MARCHF10: variants seen among roughly 807,000 people sequenced by gnomAD.
MARCHF10 encodes membrane associated ring-CH-type finger 10, also known as probable E3 ubiquitin-protein ligase MARCHF10.
MARCHF10 carries 64 observed loss-of-function variants against 76.2 expected under a neutral mutation model. The observed-to-expected ratio is 0.84, with a 90% confidence interval of 0.69 to 1.03. The LOEUF is 1.03. MARCHF10 is among the 50% of genes least tolerant of loss of function. The pLI, the probability that MARCHF10 is intolerant of heterozygous loss-of-function variation, is 0.00. For missense variants in MARCHF10, 875 were observed against 958.0 expected (o/e 0.91, Z 1.14); for synonymous variants, 340 against 357.5 (o/e 0.95, Z 0.55).
rs55902229 is a variant in MARCHF10, at chr17:62,738,060, TCACACACACACACACA to T, written c.536-744_536-729del. 2.4e-5 allele frequency: 3 copies of T among 127,398 alleles called. No homozygotes were observed. Among genetic ancestry groups the T allele is most frequent in the Admixed American group, 1.6e-4 (2 of 12,360 alleles). The allele number at this position is 127,398 out of a possible 1,614,324, so 7.9% of individuals were successfully genotyped here. A position where few individuals can be genotyped will look rare whatever the true frequency, so the allele number is the denominator to read the frequency against. The stretch of plus-strand genomic sequence containing the variant: ...AACTGTCTCTCTCTGTCTCTCTCTG[TCACACACACACACACA>T]CACACACACACACACACACACACAA... On this transcript the variant is annotated intron_variant, in intron 5 of 10. Coordinates refer to ENST00000311269, the MANE Select transcript of MARCHF10 (RefSeq NM_152598.4). This position sits in a 1 kb window ranked among gnomAD's most constrained non-coding sequence, Gnocchi z 4.0.
At chr17:62,726,117 G>A (rs890477383) in intron 6 of MARCHF10, 1 of 152,226 alleles carries the variant, frequency 6.6e-6, no homozygotes, top group Non-Finnish European at 1.5e-5. Context: ...AATGTAAGCG[G>A]CTGGAATCTG....
Position 62,711,191 on chromosome 17 carries a change from G to A in MARCHF10, c.2328+40C>T, listed in dbSNP as rs761827373. On this transcript the variant is annotated intron_variant, in intron 9 of 10. Transcript: ENST00000311269. The surrounding 1 kb of genome is among the most constrained non-coding windows in gnomAD (Gnocchi z 4.4). ...AATAAACAGCACTGCAGGGTTTTCA[G>A]GGCTGCCACCGGACAGCTCTGGGTC... The A allele has an allele frequency of 1.3e-5, 21 of 1,568,596 alleles. No individual in the cohort carries two copies. In the East Asian group the frequency reaches 4.5e-4, roughly 33 times the overall value.
At chr17:62,784,775 T>G (rs2092718617) in intron 3 of MARCHF10, among the ~76,000 whole-genome samples, 1 of 152,146 alleles carries the variant, frequency 6.6e-6, no homozygotes, top group Non-Finnish European at 1.5e-5. Flanking sequence ...TCATTCACAA[T>G]TGCTACAAAG....
At chr17:62,775,239 C>T (rs536292714) in intron 3 of MARCHF10, among the ~76,000 whole-genome samples, 2 of 151,432 alleles carry the variant, frequency 1.3e-5, no homozygotes, top group South Asian at 2.1e-4. Flanking sequence ...AATTCTCCTG[C>T]TTTAGCCTCC....
chr17:62,748,680 G>A (rs1457671941), intron 4 of MARCHF10, among the ~76,000 whole-genome samples: 1 of 152,196 alleles, frequency 6.6e-6, no homozygotes, highest in East Asian at 1.9e-4. Flanking sequence ...AGGAGGTCGA[G>A]GCTGCAGTGA....
At position 62,712,895 on chromosome 17, in the gene MARCHF10, C is replaced by T. The variant is rs1160700612; in HGVS notation, c.2215-1551G>A. Among the ~76,000 whole-genome samples, 1 of 152,136 alleles carries T rather than the reference C, an allele frequency of 6.6e-6. No homozygotes were observed. The highest frequency in any genetic ancestry group is 1.5e-5 in the Non-Finnish European group (1 of 68,016). ...GAGTAGCTGGGATTACAGGTGTGCA[C>T]CACCACGCCCAGCTAATTTTTGTAT... On this transcript the variant is annotated intron_variant, in intron 8 of 10. Transcript: ENST00000311269. The surrounding 1 kb of genome is among the most constrained non-coding windows in gnomAD (Gnocchi z 4.2).
chr17:62,758,158 T>C (rs2092099181), intron 4 of MARCHF10, among the ~76,000 whole-genome samples: 1 of 152,202 alleles, frequency 6.6e-6, no homozygotes, highest in African/African-American at 2.4e-5. Flanking sequence ...CCTAGCACTT[T>C]GGGAGGCAGA....
intron 4 of MARCHF10, among the ~76,000 whole-genome samples, chr17:62,752,209 T>C (rs367574625): frequency 6.6e-6 from 1 of 152,114 alleles, no homozygotes. Context: ...CATTCTTCTC[T>C]TTACAGTTGT....
chr17:62,734,735 T>C, intron 6 of MARCHF10, among the ~76,000 whole-genome samples: 2 of 152,340 alleles, frequency 1.3e-5, no homozygotes, highest in South Asian at 4.1e-4. Context: ...AAGAAAAGCA[T>C]AAAGTTTATT....
rs1335625968 is a variant in MARCHF10 at position 62,704,931 on chromosome 17, C to T, written c.2371+608G>A. On this transcript the variant is annotated intron_variant, in intron 10 of 10. Transcript: ENST00000311269. The stretch of plus-strand genomic sequence containing the variant: ...TCGAGCCCGCCTGCTTTATTAAGCA[C>T]GTTTTTCTCCAGTCGTTTTTTTTTT... 6 of 982,828 alleles carry T rather than the reference C, an allele frequency of 6.1e-6. No individual in the cohort carries two copies. In the African/African-American group the frequency reaches 1.1e-4, roughly 17 times the overall value. The allele number at this position is 982,828 out of a possible 1,614,324, so 60.9% of individuals were successfully genotyped here.
rs760300267 is a variant in MARCHF10 at position 62,801,679 on chromosome 17, C to A, written c.57G>T (p.Arg19=). ...CAGAGTCCACCTTATGCTGCATGTC[C>A]CGCAGATACTGAACATCGCTGAAGA... ...QKFFSDVQYL[R]DMQHKVDSEY... is the part of the protein sequence containing the mutation. The change falls in exon 2 of 11, where the codon CGG becomes CGT. Residue 19 remains arginine (R), a synonymous_variant. Transcript: ENST00000311269. The A allele has an allele frequency of 6.8e-6, 11 of 1,614,116 alleles. No individual in the cohort carries two copies. Among genetic ancestry groups the A allele is most frequent in the Non-Finnish European group, 9.3e-6 (11 of 1,180,030 alleles).
At chr17:62,804,034 G>C (rs772055576) in intron 1 of MARCHF10, among the ~76,000 whole-genome samples, 32 of 152,208 alleles carry the variant, frequency 2.1e-4, no homozygotes, top group Non-Finnish European at 4.1e-4. Flanking sequence ...ACTCGCTCCA[G>C]TACCCACACT....
At chr17:62,784,869 A>C (rs1056244878) in intron 3 of MARCHF10, among the ~76,000 whole-genome samples, 5 of 152,218 alleles carry the variant, frequency 3.3e-5, no homozygotes, top group Admixed American at 3.3e-4. Flanking sequence ...TCAACGAAAT[A>C]AAAGAGGACA....
intron 4 of MARCHF10, among the ~76,000 whole-genome samples, chr17:62,749,658 A>G (rs2091828842): frequency 6.6e-6 from 1 of 152,208 alleles, no homozygotes; most frequent in Admixed American, 6.5e-5. Context: ...TGTACCATAA[A>G]TATGTTTTAT....
chr17:62,760,843 C>T (rs2092182080), intron 3 of MARCHF10, among the ~76,000 whole-genome samples: 2 of 152,198 alleles, frequency 1.3e-5, no homozygotes, highest in Admixed American at 6.5e-5. Context: ...CCTGGGGGGT[C>T]GTTGCGGTGG....
At chr17:62,789,748 G>A (rs1486632829) in intron 2 of MARCHF10, among the ~76,000 whole-genome samples, 1 of 152,072 alleles carries the variant, frequency 6.6e-6, no homozygotes, top group East Asian at 1.9e-4. Context: ...GACCAACCTG[G>A]CCAACATAGT....
intron 6 of MARCHF10, among the ~76,000 whole-genome samples, chr17:62,730,825 C>A (rs958828198): frequency 1.3e-5 from 2 of 151,932 alleles, no homozygotes; most frequent in African/African-American, 4.8e-5. Context: ...ACCCGGGAGG[C>A]GGAGCTTGCA....
chr17:62,738,971 C>G lies in MARCHF10; in HGVS notation c.536-1639G>C, dbSNP rs527834872. Among the ~76,000 whole-genome samples the G allele has an allele frequency of 2.0e-5, 3 of 152,178 alleles. No homozygotes were observed. The highest frequency in any genetic ancestry group is 4.4e-5 in the Non-Finnish European group (3 of 68,038). ...CCCATTTTGGGAACAAATGCTTCTA[C>G]GTAAGCAACTGAATTCTCCTGAAAA... On this transcript the variant is annotated intron_variant, in intron 5 of 10. Coordinates refer to ENST00000311269, the MANE Select transcript of MARCHF10 (RefSeq NM_152598.4). The surrounding 1 kb of genome is among the most constrained non-coding windows in gnomAD (Gnocchi z 4.0).
chr17:62,727,685 T>C (rs1321027760), intron 6 of MARCHF10, among the ~76,000 whole-genome samples: 1 of 152,026 alleles, frequency 6.6e-6, no homozygotes, highest in African/African-American at 2.4e-5. Context: ...TTAAATAGAA[T>C]GAATCCACAA....
Sources: gnomAD v4.1 joint callset for allele counts (sites outside exome capture counted in the v4.1 genomes callset) on GRCh38, gnomAD v4.1.1 for gene constraint, Gnocchi (gnomAD v3.1) non-coding constraint, MANE v1.5 for transcripts, NCBI Gene and HGNC (gene_info 2026-07-23, HGNC 2026-07-21) for gene names.